The following CHD5 variants were observed in gnomAD, a reference collection of about 807,000 sequenced individuals.
CHD5 encodes the protein ATP-dependent chromatin remodeler CHD5.
A neutral mutation model predicts 230.3 loss-of-function variants in CHD5; 69 were observed. That is an observed-to-expected ratio of 0.30 (90% CI 0.25 to 0.37). The LOEUF is 0.37. Among genes scored for constraint, CHD5 ranks in the 10% least tolerant of loss-of-function variants. The pLI is 1.00. For synonymous variants in CHD5, 1,064 were observed against 1,065.9 expected (o/e 1.00, Z 0.03); for missense variants, 1,827 against 2,622.8 (o/e 0.70, Z 6.63).
chr1:6,180,058 C>T lies in CHD5; in HGVS notation c.-35G>A, dbSNP rs920876860. 3.4e-6 allele frequency: 4 copies of T among 1,186,636 alleles called. No individual in the cohort carries two copies. Among genetic ancestry groups the T allele is most frequent in the Non-Finnish European group, 3.2e-6 (3 of 930,252 alleles). 73.5% of individuals were successfully genotyped at this position (1,186,636 alleles called of 1,614,324 possible). A position where few individuals can be genotyped will look rare whatever the true frequency, so the allele number is the denominator to read the frequency against. On this transcript the variant is annotated 5_prime_UTR_variant, in exon 1 of 42. Coordinates refer to ENST00000262450, the MANE Select transcript of CHD5 (RefSeq NM_015557.3). ...GGGGAGGAGGGGAGGTGGGCGCCCCCCCTCCCGCCGGGCGCGGTGCCAGCC... is the reference window on the plus strand; with the variant it reads ...GGGGAGGAGGGGAGGTGGGCGCCCCTCCTCCCGCCGGGCGCGGTGCCAGCC...
Position 6,154,944 on chromosome 1 carries a change from G to C in CHD5, c.507-46C>G, listed in dbSNP as rs747447525. On this transcript the variant is annotated intron_variant, in intron 4 of 41. Transcript: ENST00000262450. This position sits in a 1 kb window ranked among gnomAD's most constrained non-coding sequence, Gnocchi z 7.0. ...GGGTGAGGGCAAGGCCAGGTGAGAT[G>C]AGAGGCCCACCCGACCCCCGGCAGG... 6.4e-7 allele frequency: 1 copy of C among 1,555,228 alleles called. No homozygotes were observed. Among genetic ancestry groups the C allele is most frequent in the South Asian group, 1.2e-5 (1 of 86,542 alleles).
In CHD5 at chr1:6,102,631, A is replaced by T. The variant is rs1300342738; in HGVS notation, c.*2843T>A. On this transcript the variant is annotated 3_prime_UTR_variant, in exon 42 of 42. Transcript: ENST00000262450. ...CTGGGATGACAGGAGTGAGGGCTGC[A>T]GGTGTCACCGGGCCAAGGCTTGGTC... The T allele has an allele frequency of 2.0e-5, 3 of 152,282 alleles. No individual in the cohort carries two copies. The highest frequency in any genetic ancestry group is 2.9e-5 in the Non-Finnish European group (2 of 68,060). 9.4% of individuals were successfully genotyped at this position (152,282 alleles called of 1,614,324 possible). A position where few individuals can be genotyped will look rare whatever the true frequency, so the allele number is the denominator to read the frequency against.
At chr1:6,152,756 C>A (rs1289626173) in intron 5 of CHD5, among the ~76,000 whole-genome samples, 1 of 152,208 alleles carries the variant, frequency 6.6e-6, no homozygotes, top group Admixed American at 6.5e-5. Flanking sequence ...TGGAGGCTGC[C>A]CTGACCGCCT....
intron 3 of CHD5, among the ~76,000 whole-genome samples, chr1:6,156,872 G>A (rs369172786): frequency 9.2e-5 from 14 of 152,226 alleles, no homozygotes; most frequent in African/African-American, 7.2e-5. Context: ...CCGGGCTGGC[G>A]GGGCTCAGAA....
At position 6,126,287 on chromosome 1, in the gene CHD5, T is replaced by A. The variant is rs1229119585; in HGVS notation, c.4078+285A>T. On this transcript the variant is annotated intron_variant, in intron 26 of 41. Coordinates refer to ENST00000262450, the MANE Select transcript of CHD5 (RefSeq NM_015557.3). The surrounding 1 kb of genome is among the most constrained non-coding windows in gnomAD (Gnocchi z 5.7). ...CCTGCACAGGGATGCCCCAACAGAA[T>A]CCTGCCCCACCCTCCACCTCTGGGT... Among the ~76,000 whole-genome samples the A allele has an allele frequency of 6.6e-6, 1 of 151,010 alleles. No homozygotes were observed. Among genetic ancestry groups the A allele is most frequent in the Non-Finnish European group, 1.5e-5 (1 of 67,804 alleles).
intron 1 of CHD5, 52 bp downstream of exon 1, chr1:6,179,893 C>A: frequency 2.8e-6 from 3 of 1,074,780 alleles, no homozygotes; most frequent in Non-Finnish European, 3.5e-6. Flanking sequence ...GGGCCCGGCC[C>A]GTCTCGGCGC....
chr1:6,119,765 A>G (rs1203879607), intron 33 of CHD5, among the ~76,000 whole-genome samples: 1 of 151,290 alleles, frequency 6.6e-6, no homozygotes, highest in Non-Finnish European at 1.5e-5. Flanking sequence ...ATACGTGCGT[A>G]CATACGTACA....
Position 6,105,869 on chromosome 1 carries a change from C to T in CHD5, c.*46+365G>A, listed in dbSNP as rs1362333344. ...GACAAGATGTGATGTCTGCCACCAGCAGGACAGCAGGGGCAGGACAGGGCT... is the reference window on the plus strand; with the variant it reads ...GACAAGATGTGATGTCTGCCACCAGTAGGACAGCAGGGGCAGGACAGGGCT... On this transcript the variant is annotated intron_variant, in intron 41 of 41. Transcript: ENST00000262450. The surrounding 1 kb of genome is among the most constrained non-coding windows in gnomAD (Gnocchi z 4.8). Among the ~76,000 whole-genome samples the T allele has an allele frequency of 6.6e-6, 1 of 152,194 alleles. No homozygotes were observed.
In CHD5 at chr1:6,129,675, T is replaced by C. The variant is rs1433029344; in HGVS notation, c.3387+529A>G. 6.6e-6 allele frequency among the ~76,000 whole-genome samples: 1 copy of C among 152,146 alleles called. No individual in the cohort carries two copies. Among genetic ancestry groups the C allele is most frequent in the Non-Finnish European group, 1.5e-5 (1 of 68,010 alleles). On this transcript the variant is annotated intron_variant, in intron 22 of 41. Transcript: ENST00000262450. This position sits in a 1 kb window ranked among gnomAD's most constrained non-coding sequence, Gnocchi z 6.8. ...CATTTGTAAGCATTCAATGTGTGTG[T>C]CCCAGCGCCCGAGAGGGGTGGCCAG...
intron 16 of CHD5, 25 bp downstream of exon 16, chr1:6,136,703 G>A (rs754514243): frequency 6.2e-7 from 1 of 1,610,894 alleles, no homozygotes; most frequent in South Asian, 1.1e-5. Context: ...GGAAGCTCTG[G>A]GGTCTGGCGG....
Position 6,128,154 on chromosome 1 carries a change from C to G in CHD5, c.3795G>C (p.Leu1265=). The stretch of plus-strand genomic sequence containing the variant: ...CTGTAGCGTCCTGGTTCCGGTCCAG[C>G]AGCTTGGAGATGGCCGCATCGTCAT... The part of the protein sequence containing the change: ...IHYDDAAISK[L]LDRNQDATDD... Residue 1265 remains leucine, a synonymous_variant, in exon 25 of 42, where the codon CTG becomes CTC. Transcript: ENST00000262450. This position sits in a 1 kb window ranked among gnomAD's most constrained non-coding sequence, Gnocchi z 7.8. The G allele has an allele frequency of 6.2e-7, 1 of 1,614,180 alleles. No homozygotes were observed. The highest frequency in any genetic ancestry group is 8.5e-7 in the Non-Finnish European group (1 of 1,180,020).
At chr1:6,132,795 C>T (rs923433861) in intron 20 of CHD5, among the ~76,000 whole-genome samples, 1 of 152,052 alleles carries the variant, frequency 6.6e-6, no homozygotes, top group South Asian at 2.1e-4. Context: ...TTAATTTCTT[C>T]TTTATTTTAG....
At chr1:6,166,806 G>A (rs755321944) in intron 2 of CHD5, among the ~76,000 whole-genome samples, 7 of 152,132 alleles carry the variant, frequency 4.6e-5, no homozygotes, top group Non-Finnish European at 1.0e-4. Flanking sequence ...GGCCGCCAGG[G>A]GAGCCTGCCA....
In CHD5 at chr1:6,121,609, C is replaced by G; in HGVS notation, c.4700-36G>C. ...AAGGGAAAGAGCTGAGACAGGTGGG[C>G]TCAGACGGGAAGGAGTAGGGCAGGG... On this transcript the variant is annotated intron_variant, in intron 31 of 41. Transcript: ENST00000262450. The surrounding 1 kb of genome is among the most constrained non-coding windows in gnomAD (Gnocchi z 4.5). 1 of 1,543,294 alleles carries G rather than the reference C, an allele frequency of 6.5e-7. No homozygotes were observed. The highest frequency in any genetic ancestry group is 8.9e-7 in the Non-Finnish European group (1 of 1,122,142).
chr1:6,149,431 A>G lies in CHD5; in HGVS notation c.995-19T>C. The G allele has an allele frequency of 6.3e-7, 1 of 1,587,098 alleles. No homozygotes were observed. The highest frequency in any genetic ancestry group is 8.6e-7 in the Non-Finnish European group (1 of 1,162,152). On this transcript the variant is annotated intron_variant, in intron 7 of 41. Transcript: ENST00000262450. ...TCATCAACTAGGGTAGGGGAGAGGC[A>G]GTCATGGAAGTCCTCATCCACACTC... is the stretch of plus-strand genomic sequence containing the variant.
intron 2 of CHD5, among the ~76,000 whole-genome samples, chr1:6,163,659 G>A (rs1356169415): frequency 6.6e-6 from 1 of 152,246 alleles, no homozygotes; most frequent in African/African-American, 2.4e-5. Context: ...AAACGATCAA[G>A]AACCAGAGGC....
At chr1:6,166,734 C>T (rs1412893753) in intron 2 of CHD5, among the ~76,000 whole-genome samples, 4 of 152,078 alleles carry the variant, frequency 2.6e-5, no homozygotes, top group Middle Eastern at 3.2e-3. Context: ...GGCACAGACC[C>T]GAGGCCCAGA....
At chr1:6,122,113 G>C (rs1347092201) in intron 31 of CHD5, among the ~76,000 whole-genome samples, 1 of 152,232 alleles carries the variant, frequency 6.6e-6, no homozygotes, top group East Asian at 1.9e-4. Context: ...CCAAAGCCAA[G>C]AAGCAAACCA....
Position 6,128,746 on chromosome 1 carries a change from T to TGGAGCGG in CHD5, c.3619+85_3619+91dup, listed in dbSNP as rs1666604507. On this transcript the variant is annotated intron_variant, in intron 23 of 41. Transcript: ENST00000262450. This position sits in a 1 kb window ranked among gnomAD's most constrained non-coding sequence, Gnocchi z 7.8. ...GGGGTGCAGAAGAGAGGCTGTGTGT[T>TGGAGCGG]GGAGCGGGCAGGGACCCAAGCAAGC... 2.8e-5 allele frequency: 36 copies of TGGAGCGG among 1,289,294 alleles called. No individual in the cohort carries two copies. In the South Asian group the frequency reaches 4.5e-4, roughly 16 times the overall value. 79.9% of individuals were successfully genotyped at this position (1,289,294 alleles called of 1,614,324 possible).
Sources: gnomAD v4.1 joint callset for allele counts (sites outside exome capture counted in the v4.1 genomes callset) on GRCh38, gnomAD v4.1.1 for gene constraint, Gnocchi (gnomAD v3.1) non-coding constraint, MANE v1.5 for transcripts, NCBI Gene and HGNC (gene_info 2026-07-23, HGNC 2026-07-21) for gene names.